Variants in SIPA1L3 observed in about 807,000 individuals in gnomAD.
SIPA1L3 encodes the protein signal-induced proliferation-associated 1-like protein 3.
In SIPA1L3, 59 loss-of-function variants were observed where a neutral mutation model predicts 150.1. The ratio of observed to expected loss-of-function variants is 0.39; its 90% CI spans 0.32 to 0.49. The LOEUF is 0.49. Ranked by LOEUF, SIPA1L3 falls within the 20% of genes least tolerant of loss-of-function variation. SIPA1L3 has a pLI of 0.86. For missense variants in SIPA1L3, 2,211 were observed against 2,489.5 expected (o/e 0.89, Z 2.38); for synonymous variants, 1,070 against 1,077.6 (o/e 0.99, Z 0.14).
chr19:37,925,078 A>ACATGATTG (rs1253507871), intron 1 of SIPA1L3, among the ~76,000 whole-genome samples: 1 of 151,926 alleles, frequency 6.6e-6, no homozygotes, highest in African/African-American at 2.4e-5. Context: ...TATGTACTGT[A>ACATGATTG]CATGATTGTA....
At chr19:38,181,626 C>A (rs1403422883) in intron 15 of SIPA1L3, among the ~76,000 whole-genome samples, 2 of 151,592 alleles carry the variant, frequency 1.3e-5, no homozygotes, top group Non-Finnish European at 2.9e-5. Context: ...GGCGGATCAT[C>A]TGAGGTTAGG....
At position 38,182,606 on chromosome 19, in the gene SIPA1L3, C is replaced by T. The variant is rs767232979; in HGVS notation, c.4296C>T (p.Pro1432=). 2.4e-5 allele frequency: 38 copies of T among 1,614,112 alleles called. No homozygotes were observed. Among genetic ancestry groups the T allele is most frequent in the Non-Finnish European group, 3.0e-5 (35 of 1,180,046 alleles). ...ETPRPSQLAQ[P]SPFQLSASVP... Reference sequence around the variant, plus strand: ...CTCGGCCCTCCCAGCTGGCCCAGCCCAGCCCCTTTCAGCTCTCCGCCTCCG... The same window carrying T: ...CTCGGCCCTCCCAGCTGGCCCAGCCTAGCCCCTTTCAGCTCTCCGCCTCCG... The change falls in exon 16 of 22, where the codon CCC becomes CCT. Residue 1432 remains proline, a synonymous_variant. Transcript: ENST00000222345.
chr19:37,994,225 T>C (rs1568493022), intron 1 of SIPA1L3, among the ~76,000 whole-genome samples: 2 of 152,188 alleles, frequency 1.3e-5, no homozygotes, highest in East Asian at 3.9e-4. Context: ...AAACAGCATG[T>C]CAAACCTAGT....
chr19:38,165,880 G>A (rs149478084), intron 15 of SIPA1L3, among the ~76,000 whole-genome samples: 4 of 152,162 alleles, frequency 2.6e-5, no homozygotes, highest in East Asian at 1.9e-4. Context: ...CTCCTGCCTC[G>A]GCCTCCCGAG....
intron 1 of SIPA1L3, among the ~76,000 whole-genome samples, chr19:37,965,870 G>A (rs1397095182): frequency 1.3e-5 from 2 of 152,096 alleles, no homozygotes; most frequent in Admixed American, 6.6e-5. Flanking sequence ...GGGACCCAGC[G>A]TTCTGTGTTT....
Position 37,967,561 on chromosome 19 carries a change from C to T in SIPA1L3, c.-379+60203C>T, listed in dbSNP as rs768596958. On this transcript the variant is annotated intron_variant, in intron 1 of 21. Coordinates refer to ENST00000222345, the MANE Select transcript of SIPA1L3 (RefSeq NM_015073.3). Reference sequence around the variant, plus strand: ...GCCACCGCACCCGGCTGGAAATTTCCCCTTCTTATAAGGACACTGGTCATA... The same window carrying T: ...GCCACCGCACCCGGCTGGAAATTTCTCCTTCTTATAAGGACACTGGTCATA... Among the ~76,000 whole-genome samples the T allele has an allele frequency of 2.0e-5, 3 of 151,836 alleles. No individual in the cohort carries two copies. The East Asian group carries it at 5.8e-4, about 29-fold the overall frequency.
chr19:38,106,620 A>AC lies in SIPA1L3; in HGVS notation c.2118dup (p.Asn707GlnfsTer15). 6.2e-7 allele frequency: 1 copy of AC among 1,612,332 alleles called. No individual in the cohort carries two copies. The highest frequency in any genetic ancestry group is 8.5e-7 in the Non-Finnish European group (1 of 1,178,798). On this transcript the variant is annotated frameshift_variant, in exon 7 of 22. Transcript: ENST00000222345. LOFTEE classifies it high-confidence loss of function. The stretch of plus-strand genomic sequence containing the variant: ...CCATGTCTCCACCCTGCTCCCTTAC[A>AC]CCCCCAACAACAGGCAGCAGGTCAG...
chr19:37,994,970 G>A (rs1360797986), intron 1 of SIPA1L3, among the ~76,000 whole-genome samples: 10 of 152,286 alleles, frequency 6.6e-5, no homozygotes, highest in African/African-American at 9.6e-5. Context: ...CAGGCGTTTC[G>A]TTCGTGCTGG....
rs757706770 is a variant in SIPA1L3 at position 38,119,528 on chromosome 19, C to T, written c.2514C>T (p.Ile838=). 11 of 1,614,080 alleles carry T rather than the reference C, an allele frequency of 6.8e-6. No homozygotes were observed. Among genetic ancestry groups the T allele is most frequent in the East Asian group, 2.2e-5 (1 of 44,886 alleles). The change falls in exon 9 of 22, where the codon ATC becomes ATT. Residue 838 remains isoleucine, a synonymous_variant. Coordinates refer to ENST00000222345, the MANE Select transcript of SIPA1L3 (RefSeq NM_015073.3). Reference sequence around the variant, plus strand: ...AAAACTGTGTCTCCAACACCCCCATCGACTCCACCGGCAAATTCAACCTCA... The same window carrying T: ...AAAACTGTGTCTCCAACACCCCCATTGACTCCACCGGCAAATTCAACCTCA... ...LAENCVSNTP[I]DSTGKFNLIS...
chr19:38,114,421 T>A (rs1321314383), intron 8 of SIPA1L3, among the ~76,000 whole-genome samples: 1 of 114,900 alleles, frequency 8.7e-6, no homozygotes, highest in Non-Finnish European at 1.8e-5. Context: ...GAAACTCTTG[T>A]CTCAAAAAAA....
chr19:37,947,397 G>A (rs1184462051), intron 1 of SIPA1L3, among the ~76,000 whole-genome samples: 1 of 151,536 alleles, frequency 6.6e-6, no homozygotes, highest in Non-Finnish European at 1.5e-5. Context: ...GCTGAGACAG[G>A]AGAATTGCTT....
At chr19:38,034,669 T>A (rs573359847) in intron 2 of SIPA1L3, among the ~76,000 whole-genome samples, 3 of 152,284 alleles carry the variant, frequency 2.0e-5, no homozygotes, top group African/African-American at 7.2e-5. Flanking sequence ...CATCCGCCCC[T>A]GTGTAACTAA....
intron 15 of SIPA1L3, among the ~76,000 whole-genome samples, chr19:38,167,432 C>T (rs1399639513): frequency 3.9e-5 from 6 of 152,072 alleles, no homozygotes; most frequent in Non-Finnish European, 7.4e-5. Context: ...AGCACTTCCC[C>T]GGGCACACTG....
At chr19:38,099,551 C>T (rs1364056946) in intron 4 of SIPA1L3, among the ~76,000 whole-genome samples, 1 of 152,166 alleles carries the variant, frequency 6.6e-6, no homozygotes, top group African/African-American at 2.4e-5. Flanking sequence ...AATTCATCTC[C>T]CCCATTCCAG....
intron 1 of SIPA1L3, among the ~76,000 whole-genome samples, chr19:37,957,489 A>G (rs932226490): frequency 3.3e-5 from 5 of 152,018 alleles, no homozygotes; most frequent in Non-Finnish European, 7.4e-5. Flanking sequence ...ACAAGTCTAC[A>G]CTTATGTTAA....
At chr19:37,933,066 G>A (rs899997179) in intron 1 of SIPA1L3, among the ~76,000 whole-genome samples, 1 of 152,162 alleles carries the variant, frequency 6.6e-6, no homozygotes, top group Non-Finnish European at 1.5e-5. Context: ...ATGGGAACTA[G>A]CAGCAGTGCC....
chr19:38,107,589 G>A (rs1271723559), intron 7 of SIPA1L3, among the ~76,000 whole-genome samples: 2 of 152,330 alleles, frequency 1.3e-5, no homozygotes, highest in East Asian at 3.9e-4. Flanking sequence ...GGAAGTAAGT[G>A]TACGTATTTT....
intron 1 of SIPA1L3, among the ~76,000 whole-genome samples, chr19:37,950,076 CAAAAAAAAA>C (rs35506284): frequency 1.1e-4 from 6 of 55,698 alleles, no homozygotes; most frequent in African/African-American, 3.1e-4. Context: ...GACTGTGTCT[CAAAAAAAAA>C]AAAAAAAAAA....
intron 6 of SIPA1L3, chr19:38,106,260 C>A (rs1970621354): frequency 2.9e-6 from 1 of 339,422 alleles, no homozygotes; most frequent in African/African-American, 2.2e-5. Flanking sequence ...GCACCCGCCA[C>A]CAGGCCTGGC....
Sources: allele counts gnomAD v4.1 joint callset (sites outside exome capture counted in the v4.1 genomes callset), GRCh38; gene constraint gnomAD v4.1.1; transcripts MANE v1.5; gene names NCBI Gene and HGNC (gene_info 2026-07-23, HGNC 2026-07-21).